The following FSTL5 variants were observed in gnomAD, a reference collection of about 807,000 sequenced individuals.
FSTL5 encodes follistatin-related protein 5.
A neutral mutation model predicts 89.1 loss-of-function variants in FSTL5; 62 were observed. The ratio of observed to expected loss-of-function variants is 0.70; its 90% confidence interval spans 0.57 to 0.86. The LOEUF (loss-of-function observed/expected upper bound fraction) is 0.86, where lower values mean the gene tolerates loss of function less well. Ranked by LOEUF, FSTL5 falls within the 40% of genes least tolerant of loss-of-function variation. The probability of loss-of-function intolerance (pLI) is 0.00; values close to 1 mark genes in which losing one functional copy is unlikely to be tolerated. For missense variants in FSTL5, 1,057 were observed against 1,001.6 expected (o/e 1.06, Z -0.75); for synonymous variants, 383 against 346.2 (o/e 1.11, Z -1.18).
chr4:161,987,045 T>C (rs1402093723), intron 3 of FSTL5, among the ~76,000 whole-genome samples: 1 of 152,098 alleles, frequency 6.6e-6, no homozygotes, highest in Non-Finnish European at 1.5e-5. Flanking sequence ...AGCCATACTT[T>C]CCCCTAAATC....
intron 3 of FSTL5, among the ~76,000 whole-genome samples, chr4:161,926,437 G>A (rs1179517060): frequency 5.5e-5 from 8 of 145,202 alleles, no homozygotes; most frequent in South Asian, 2.1e-4. Flanking sequence ...ACAAGAGGCC[G>A]TATGAAAATA....
intron 1 of FSTL5, among the ~76,000 whole-genome samples, chr4:162,131,680 A>C (rs1248722804): frequency 1.3e-5 from 2 of 152,218 alleles, no homozygotes; most frequent in Admixed American, 6.5e-5. Flanking sequence ...TGGGCTAGAA[A>C]GACATAAGTA....
intron 3 of FSTL5, among the ~76,000 whole-genome samples, chr4:161,988,564 AC>A (rs992348343): frequency 2.6e-5 from 4 of 152,118 alleles, no homozygotes; most frequent in Admixed American, 6.6e-5. Flanking sequence ...AATATCAGAA[AC>A]CCCCAGGGAA....
chr4:161,472,645 T>A (rs1352796676), intron 13 of FSTL5, among the ~76,000 whole-genome samples: 2 of 152,172 alleles, frequency 1.3e-5, no homozygotes, highest in Non-Finnish European at 2.9e-5. Context: ...TTCCACAATT[T>A]AAAAAAAATT....
chr4:162,105,874 C>T (rs1357189798), intron 2 of FSTL5, among the ~76,000 whole-genome samples: 6 of 152,132 alleles, frequency 3.9e-5, no homozygotes, highest in Admixed American at 2.6e-4. Flanking sequence ...CAATCACATA[C>T]GTCAGAAGCG....
chr4:161,603,147 T>G (rs570634006), intron 7 of FSTL5, among the ~76,000 whole-genome samples: 1 of 152,140 alleles, frequency 6.6e-6, no homozygotes, highest in Non-Finnish European at 1.5e-5. Context: ...GAACAGTATA[T>G]GACAATAAAT....
At chr4:162,054,649 ATTTAC>A (rs1738480495) in intron 2 of FSTL5, among the ~76,000 whole-genome samples, 1 of 151,864 alleles carries the variant, frequency 6.6e-6, no homozygotes, top group Non-Finnish European at 1.5e-5. Context: ...TTCTTAGAGC[ATTTAC>A]TTTAAAGAAA....
intron 3 of FSTL5, among the ~76,000 whole-genome samples, chr4:161,971,802 G>A (rs2111015867): frequency 6.6e-6 from 1 of 152,172 alleles, no homozygotes; most frequent in Non-Finnish European, 1.5e-5. Flanking sequence ...AACAAATAAT[G>A]ATTTTATGTT....
intron 3 of FSTL5, among the ~76,000 whole-genome samples, chr4:161,934,731 G>T (rs1273102729): frequency 6.6e-6 from 1 of 151,820 alleles, no homozygotes; most frequent in Admixed American, 6.6e-5. Context: ...AATAGTGTCT[G>T]CCAGACATTA....
chr4:161,387,984 C>G (rs907148620), intron 15 of FSTL5: 21 of 152,002 alleles, frequency 1.4e-4, no homozygotes, highest in African/African-American at 4.8e-4. Flanking sequence ...GAATATATTG[C>G]AGATCAACAT....
chr4:161,622,419 A>C (rs898020744), intron 7 of FSTL5, among the ~76,000 whole-genome samples: 8 of 152,238 alleles, frequency 5.3e-5, no homozygotes, highest in African/African-American at 1.9e-4. Flanking sequence ...CATAACAAAC[A>C]CATTACTACA....
chr4:161,809,451 C>T (rs1026107744), intron 4 of FSTL5, among the ~76,000 whole-genome samples: 1 of 152,154 alleles, frequency 6.6e-6, no homozygotes, highest in African/African-American at 2.4e-5. Flanking sequence ...AAAAATAGAA[C>T]TACCATTTGA....
intron 2 of FSTL5, among the ~76,000 whole-genome samples, chr4:162,040,853 C>A (rs1274759242): frequency 6.6e-6 from 1 of 151,876 alleles, no homozygotes; most frequent in Non-Finnish European, 1.5e-5. Context: ...GTCACTACTT[C>A]TAAGAATAAT....
chr4:161,931,141 G>T (rs1734273667), intron 3 of FSTL5, among the ~76,000 whole-genome samples: 1 of 151,874 alleles, frequency 6.6e-6, no homozygotes, highest in African/African-American at 2.4e-5. Flanking sequence ...TGCTGCCAAA[G>T]GGGAGAGATT....
intron 3 of FSTL5, among the ~76,000 whole-genome samples, chr4:161,945,411 G>C (rs1734707671): frequency 6.6e-6 from 1 of 152,078 alleles, no homozygotes; most frequent in Non-Finnish European, 1.5e-5. Flanking sequence ...TCCTTTTATT[G>C]AGCTAGCATG....
At chr4:161,845,684 C>T (rs1731344209) in intron 4 of FSTL5, among the ~76,000 whole-genome samples, 1 of 152,162 alleles carries the variant, frequency 6.6e-6, no homozygotes, top group Admixed American at 6.6e-5. Context: ...TAATGTAACT[C>T]ATTACTTAAT....
intron 3 of FSTL5, among the ~76,000 whole-genome samples, chr4:161,937,066 T>C (rs963680470): frequency 6.6e-6 from 1 of 152,022 alleles, no homozygotes; most frequent in Non-Finnish European, 1.5e-5. Context: ...GTAAACCCTC[T>C]AACATGAAAG....
intron 2 of FSTL5, among the ~76,000 whole-genome samples, chr4:162,037,628 T>G (rs1737792859): frequency 6.6e-6 from 1 of 151,904 alleles, no homozygotes; most frequent in Admixed American, 6.6e-5. Context: ...TTTATATAAT[T>G]ATAAATTACC....
intron 4 of FSTL5, among the ~76,000 whole-genome samples, chr4:161,783,695 C>T (rs1437590378): frequency 4.3e-5 from 1 of 23,134 alleles, no homozygotes; most frequent in African/African-American, 1.4e-4. Flanking sequence ...TTCTTTCTTT[C>T]TTTCTTTCTT....
Sources: allele counts gnomAD v4.1 joint callset (sites outside exome capture counted in the v4.1 genomes callset), GRCh38; gene constraint gnomAD v4.1.1; transcripts MANE v1.5; gene names NCBI Gene and HGNC (gene_info 2026-07-23, HGNC 2026-07-21).